CPEB1: variants seen among roughly 807,000 people sequenced by gnomAD.
The protein encoded by CPEB1 is cytoplasmic polyadenylation element binding protein 1, also known as cytoplasmic polyadenylation element-binding protein 1.
In CPEB1, 7 loss-of-function variants were observed where a neutral mutation model predicts 65.8. The observed-to-expected ratio is 0.11, with a 90% CI of 0.06 to 0.20. CPEB1 has a LOEUF of 0.20. CPEB1 is among the 10% of genes least tolerant of loss of function. The pLI is 1.00. For synonymous variants in CPEB1, 262 were observed against 260.0 expected (o/e 1.01, Z -0.08); for missense variants, 551 against 712.2 (o/e 0.77, Z 2.58).
intron 4 of CPEB1, among the ~76,000 whole-genome samples, chr15:82,559,400 T>C (rs989072701): frequency 6.6e-6 from 1 of 152,262 alleles, no homozygotes; most frequent in African/African-American, 2.4e-5. Flanking sequence ...TATCTAGTTA[T>C]TATTTTGTAG....
chr15:82,556,305 T>C, intron 5 of CPEB1, 183 bp from the exon 6 acceptor site: 1 of 629,306 alleles, frequency 1.6e-6, no homozygotes, highest in Middle Eastern at 4.4e-4. Flanking sequence ...CAAATGCTCC[T>C]TCTCTCCTCA....
At chr15:82,592,400 C>G (rs937517219) in intron 3 of CPEB1, among the ~76,000 whole-genome samples, 7 of 151,506 alleles carry the variant, frequency 4.6e-5, no homozygotes, top group African/African-American at 1.2e-4. Flanking sequence ...CCAGCCTAGG[C>G]TACATGGTGA....
chr15:82,585,017 T>TA (rs2041672575), intron 3 of CPEB1, among the ~76,000 whole-genome samples: 1 of 151,052 alleles, frequency 6.6e-6, no homozygotes, highest in Non-Finnish European at 1.5e-5. Context: ...TTTTTGCAGA[T>TA]AAAAGCCCAT....
chr15:82,643,936 T>C (rs2047297077), intron 1 of CPEB1, among the ~76,000 whole-genome samples: 1 of 152,182 alleles, frequency 6.6e-6, no homozygotes, highest in African/African-American at 2.4e-5. Flanking sequence ...CTTTTACAGG[T>C]CTTAAAACAA....
rs769825966 is a variant in CPEB1, at chr15:82,549,433, T to C, written c.1480+27A>G. The C allele has an allele frequency of 1.9e-6, 3 of 1,613,940 alleles. No individual in the cohort carries two copies. In the South Asian group the frequency reaches 3.3e-5, roughly 18 times the overall value. On this transcript the variant is annotated intron_variant, in intron 10 of 12. Coordinates refer to ENST00000684509, the MANE Select transcript of CPEB1 (RefSeq NM_001365242.1). ...GTCTACTCCCAGGGGCCAACCAAGC[T>C]TTCGCACACAGAAGTGGGACACTTA...
intron 3 of CPEB1, among the ~76,000 whole-genome samples, chr15:82,609,975 G>A (rs1332992344): frequency 6.6e-6 from 1 of 150,432 alleles, no homozygotes; most frequent in African/African-American, 2.4e-5. Flanking sequence ...CGGGAGAATC[G>A]CTTGAACCTG....
At chr15:82,648,183 T>TG (rs896829927), upstream of CPEB1, 117 of 314,978 alleles carry the variant, frequency 3.7e-4, no homozygotes, top group Non-Finnish European at 4.5e-4. Context: ...AGCTGCCCCC[T>TG]GGGGGGCCAG....
intron 4 of CPEB1, among the ~76,000 whole-genome samples, chr15:82,560,050 C>T (rs1044923358): frequency 6.6e-6 from 1 of 152,192 alleles, no homozygotes; most frequent in Non-Finnish European, 1.5e-5. Context: ...CGCCACTACA[C>T]TCCAGCCTGG....
chr15:82,567,264 G>C (rs783542), intron 4 of CPEB1, among the ~76,000 whole-genome samples: 127,070 of 152,184 alleles, frequency 0.83, 53,627 homozygotes, highest in African/African-American at 0.96. Flanking sequence ...TTAGGCTGAT[G>C]TAGCCTGCAG....
At chr15:82,640,301 T>G (rs934848960) in intron 1 of CPEB1, among the ~76,000 whole-genome samples, 1 of 152,208 alleles carries the variant, frequency 6.6e-6, no homozygotes, top group African/African-American at 2.4e-5. Flanking sequence ...CTTCAGATTT[T>G]GAATATTATG....
intron 3 of CPEB1, among the ~76,000 whole-genome samples, chr15:82,606,226 G>C (rs1245799197): frequency 6.6e-6 from 1 of 152,114 alleles, no homozygotes; most frequent in Non-Finnish European, 1.5e-5. Context: ...CCAGCACTTT[G>C]GGAGGCCGAG....
At chr15:82,571,793 T>A (rs2040071641) in intron 3 of CPEB1, 5 of 1,252,888 alleles carry the variant, frequency 4.0e-6, no homozygotes, top group Non-Finnish European at 5.0e-6. Context: ...AGGCTGCTGA[T>A]GCTTCCCGCT....
In CPEB1 at chr15:82,628,572, G is replaced by C. The variant is rs1281448855; in HGVS notation, c.-97-16C>G. The C allele has an allele frequency of 7.9e-6, 5 of 629,308 alleles. No homozygotes were observed. The highest frequency in any genetic ancestry group is 7.3e-5 in the African/African-American group (4 of 54,574). 39.0% of individuals were successfully genotyped at this position (629,308 alleles called of 1,614,324 possible). A position where few individuals can be genotyped will look rare whatever the true frequency, so the allele number is the denominator to read the frequency against. ...GGCACTGAAACTAACGCAAATGGTGGAATTAGGATTGGTACCACATAGAAA... is the reference window on the plus strand; with the variant it reads ...GGCACTGAAACTAACGCAAATGGTGCAATTAGGATTGGTACCACATAGAAA... On this transcript the variant is annotated splice_polypyrimidine_tract_variant and intron_variant, in intron 1 of 12. Transcript: ENST00000684509.
upstream of CPEB1, chr15:82,647,886 C>T: frequency 2.4e-6 from 3 of 1,247,164 alleles, no homozygotes; most frequent in South Asian, 9.5e-5. Flanking sequence ...CGGTGTGGCC[C>T]TGCGGGGCTG....
At chr15:82,573,043 T>A in intron 3 of CPEB1, 1 of 1,535,032 alleles carries the variant, frequency 6.5e-7, no homozygotes, top group Non-Finnish European at 8.7e-7. Context: ...CTCCACCTGC[T>A]TGTTCTCCCC....
chr15:82,572,473 C>G (rs2151058903), intron 3 of CPEB1, among the ~76,000 whole-genome samples: 1 of 152,254 alleles, frequency 6.6e-6, no homozygotes, highest in East Asian at 1.9e-4. Context: ...AGAGTGAGAC[C>G]TGCCCTGACT....
chr15:82,545,404 C>T (rs1267658), intron 12 of CPEB1, among the ~76,000 whole-genome samples: 98,247 of 151,998 alleles, frequency 0.65, 32,248 homozygotes, highest in African/African-American at 0.76. Flanking sequence ...AATTTTTAAA[C>T]AAAATTTAAA....
rs1417403334 is a variant in CPEB1 at position 82,637,879 on chromosome 15, T to C, written c.-98+9258A>G. 1.5e-5 allele frequency: 6 copies of C among 394,612 alleles called. No individual in the cohort carries two copies. The East Asian group carries it at 4.3e-4, about 28-fold the overall frequency. 24.4% of individuals were successfully genotyped at this position (394,612 alleles called of 1,614,324 possible). A position where few individuals can be genotyped will look rare whatever the true frequency, so the allele number is the denominator to read the frequency against. ...GAGCTTTTTGTGTAAGTAGGTCATA[T>C]GAATATTCACCCATTAGAAATTAAA... On this transcript the variant is annotated intron_variant, in intron 1 of 12. Transcript: ENST00000684509.
At chr15:82,647,957 A>G (rs2047719419), upstream of CPEB1, 3 of 1,082,164 alleles carry the variant, frequency 2.8e-6, no homozygotes, top group Admixed American at 8.7e-5. Flanking sequence ...CTATTTTTGC[A>G]GCGGGCCGCG....
Sources: allele counts gnomAD v4.1 joint callset (sites outside exome capture counted in the v4.1 genomes callset), GRCh38; gene constraint gnomAD v4.1.1; transcripts MANE v1.5; gene names NCBI Gene and HGNC (gene_info 2026-07-23, HGNC 2026-07-21).